Variants in PRDM16 observed in about 807,000 individuals in gnomAD.
PRDM16 encodes histone-lysine N-methyltransferase PRDM16.
In PRDM16, 23 loss-of-function variants were observed where a neutral mutation model predicts 110.6. The observed-to-expected ratio is 0.21, with a 90% CI of 0.15 to 0.29. PRDM16 has a LOEUF of 0.29. Ranked by LOEUF, PRDM16 falls within the 10% of genes least tolerant of loss-of-function variation. The probability of loss-of-function intolerance (pLI) is 1.00; values close to 1 mark genes in which losing one functional copy is unlikely to be tolerated. For synonymous variants in PRDM16, 799 were observed against 781.8 expected (o/e 1.02, Z -0.37); for missense variants, 1,615 against 1,794.3 (o/e 0.90, Z 1.81).
chr1:3,132,805 T>C (rs1264338903), intron 1 of PRDM16: 3 of 152,138 alleles, frequency 2.0e-5, no homozygotes, highest in Admixed American at 2.0e-4. Flanking sequence ...CCCCGGGGAC[T>C]GGGTGGGGCA....
chr1:3,297,718 CACA>C (rs960492512), intron 3 of PRDM16, among the ~76,000 whole-genome samples: 1 of 152,114 alleles, frequency 6.6e-6, no homozygotes, highest in African/African-American at 2.4e-5. Flanking sequence ...GACTCCTGCC[CACA>C]ACACCACAGT....
chr1:3,307,126 T>C (rs530712472), intron 3 of PRDM16: 1 of 152,376 alleles, frequency 6.6e-6, no homozygotes, highest in Admixed American at 6.5e-5. Context: ...TTATGAATCA[T>C]GCTGCTATGA....
chr1:3,427,551 C>T (rs1336686509), intron 14 of PRDM16, among the ~76,000 whole-genome samples: 3 of 152,156 alleles, frequency 2.0e-5, no homozygotes, highest in Non-Finnish European at 2.9e-5. Context: ...GGCAGGGCTG[C>T]GTCTTCCTGT....
rs896142591 is a variant in PRDM16 at position 3,396,428 on chromosome 1, T to C, written c.574-63T>C. On this transcript the variant is annotated intron_variant, in intron 4 of 16. Coordinates refer to ENST00000270722, the MANE Select transcript of PRDM16 (RefSeq NM_022114.4). Reference sequence around the variant, plus strand: ...CACAGTGTGAGGGCTGAGTGTGCACTGAGAGGCTCTCCAGACACCAACAAA... The same window carrying C: ...CACAGTGTGAGGGCTGAGTGTGCACCGAGAGGCTCTCCAGACACCAACAAA... The C allele has an allele frequency of 9.4e-5, 86 of 918,674 alleles. 1 individual carries two copies. The South Asian group carries it at 1.1e-3, about 12-fold the overall frequency. The allele number at this position is 918,674 out of a possible 1,614,324, so 56.9% of individuals were successfully genotyped here.
intron 3 of PRDM16, among the ~76,000 whole-genome samples, chr1:3,336,099 AGAT>A (rs1256608551): frequency 2.6e-5 from 4 of 152,216 alleles, no homozygotes; most frequent in African/African-American, 9.6e-5. Context: ...AGAACAGTGA[AGAT>A]GAAGGGAGAG....
intron 1 of PRDM16, among the ~76,000 whole-genome samples, chr1:3,151,316 G>A (rs998050391): frequency 3.3e-5 from 5 of 152,156 alleles, no homozygotes; most frequent in East Asian, 1.9e-4. Flanking sequence ...GGTCCTTTTC[G>A]GGGGCTCTTC....
chr1:3,370,436 C>T lies in PRDM16; in HGVS notation c.439-14716C>T, dbSNP rs189629871. On this transcript the variant is annotated intron_variant, in intron 3 of 16. Coordinates refer to ENST00000270722, the MANE Select transcript of PRDM16 (RefSeq NM_022114.4). The surrounding 1 kb of genome is among the most constrained non-coding windows in gnomAD (Gnocchi z 4.8). ...GCTGACAGTCTCAGTCATCTGGAGG[C>T]GCCTTCATTCATTCATTTGTTCCCC... Among the ~76,000 whole-genome samples the T allele has an allele frequency of 9.2e-5, 14 of 152,206 alleles. No individual in the cohort carries two copies. Among genetic ancestry groups the T allele is most frequent in the East Asian group, 3.9e-4 (2 of 5,182 alleles).
intron 3 of PRDM16, among the ~76,000 whole-genome samples, chr1:3,281,167 G>C (rs777048642): frequency 2.6e-5 from 4 of 152,244 alleles, no homozygotes; most frequent in Non-Finnish European, 5.9e-5. Context: ...AAGATGCCCA[G>C]ATGTCCTCTT....
At chr1:3,177,832 AGTTTAGATACT>A (rs60572213) in intron 1 of PRDM16, among the ~76,000 whole-genome samples, 34,926 of 152,084 alleles carry the variant, frequency 0.23, 4,082 homozygotes, top group Admixed American at 0.29. Flanking sequence ...CTGATCAGTA[AGTTTAGATACT>A]GTTTTGGATG....
rs757749746 is a variant in PRDM16 at position 3,425,761 on chromosome 1, C to T, written c.3109+11C>T. 1.7e-5 allele frequency: 27 copies of T among 1,612,728 alleles called. No homozygotes were observed. Among genetic ancestry groups the T allele is most frequent in the African/African-American group, 1.1e-4 (8 of 74,900 alleles). On this transcript the variant is annotated intron_variant, in intron 13 of 16. Transcript: ENST00000270722. The surrounding 1 kb of genome is among the most constrained non-coding windows in gnomAD (Gnocchi z 6.9). Reference sequence around the variant, plus strand: ...ACGAGAACGCACCAGGTGGGCCACGCGGGGTGGGGCAGCCCCCAGAGCACC... The same window carrying T: ...ACGAGAACGCACCAGGTGGGCCACGTGGGGTGGGGCAGCCCCCAGAGCACC...
chr1:3,145,278 A>G, intron 1 of PRDM16, among the ~76,000 whole-genome samples: 1 of 152,152 alleles, frequency 6.6e-6, no homozygotes, highest in East Asian at 1.9e-4. Context: ...AGTTCCTCAA[A>G]GCACCTGTCA....
chr1:3,283,070 G>A (rs12562988), intron 3 of PRDM16, among the ~76,000 whole-genome samples: 3,735 of 152,322 alleles, frequency 0.025, 259 homozygotes, highest in East Asian at 0.24. Flanking sequence ...AGCGCTTCCC[G>A]AGCAGGTGCG....
At chr1:3,142,797 G>T (rs1643577693) in intron 1 of PRDM16, among the ~76,000 whole-genome samples, 1 of 152,172 alleles carries the variant, frequency 6.6e-6, no homozygotes, top group African/African-American at 2.4e-5. Context: ...CATCTGGAAG[G>T]GGCAAAGGGG....
Position 3,353,389 on chromosome 1 carries a change from A to T in PRDM16, c.439-31763A>T, listed in dbSNP as rs1469068424. Reference sequence around the variant, plus strand: ...GGAGGCCCGGGGTATTTCTTGCCACATCTGAAATTGGACCCGAATGCGCAT... The same window carrying T: ...GGAGGCCCGGGGTATTTCTTGCCACTTCTGAAATTGGACCCGAATGCGCAT... On this transcript the variant is annotated intron_variant, in intron 3 of 16. Coordinates refer to ENST00000270722, the MANE Select transcript of PRDM16 (RefSeq NM_022114.4). The surrounding 1 kb of genome is among the most constrained non-coding windows in gnomAD (Gnocchi z 5.4). 6.6e-6 allele frequency among the ~76,000 whole-genome samples: 1 copy of T among 152,154 alleles called. No individual in the cohort carries two copies. Among genetic ancestry groups the T allele is most frequent in the Non-Finnish European group, 1.5e-5 (1 of 68,026 alleles).
intron 2 of PRDM16, among the ~76,000 whole-genome samples, chr1:3,225,573 T>C (rs7520225): frequency 0.44 from 56,244 of 129,262 alleles, 13,417 homozygotes; most frequent in African/African-American, 0.68. Flanking sequence ...TGTGTGTGTG[T>C]GCGCGCGCGC....
At chr1:3,211,967 A>G (rs4648457) in intron 2 of PRDM16, among the ~76,000 whole-genome samples, 22,414 of 152,162 alleles carry the variant, frequency 0.15, 2,034 homozygotes, top group African/African-American at 0.24. Context: ...AAGAGGGGAC[A>G]ATAAATAGCT....
intron 1 of PRDM16, among the ~76,000 whole-genome samples, chr1:3,160,955 C>G (rs1643892286): frequency 6.6e-6 from 1 of 152,172 alleles, no homozygotes; most frequent in African/African-American, 2.4e-5. Context: ...CTTTATTTTC[C>G]CCTACTCCCT....
Position 3,339,463 on chromosome 1 carries a change from A to T in PRDM16, c.439-45689A>T, listed in dbSNP as rs1642226946. Among the ~76,000 whole-genome samples the T allele has an allele frequency of 6.6e-6, 1 of 152,028 alleles. No homozygotes were observed. Among genetic ancestry groups the T allele is most frequent in the Non-Finnish European group, 1.5e-5 (1 of 67,992 alleles). On this transcript the variant is annotated intron_variant, in intron 3 of 16. Transcript: ENST00000270722. This position sits in a 1 kb window ranked among gnomAD's most constrained non-coding sequence, Gnocchi z 5.0. ...AGCGGAAAGGGCATGACCCCTACCCAGTGAATCCACAGGGGCTTCCTGGAG... is the reference window on the plus strand; with the variant it reads ...AGCGGAAAGGGCATGACCCCTACCCTGTGAATCCACAGGGGCTTCCTGGAG...
intron 2 of PRDM16, among the ~76,000 whole-genome samples, chr1:3,203,848 G>A (rs1326721674): frequency 1.3e-5 from 2 of 152,130 alleles, no homozygotes; most frequent in African/African-American, 2.4e-5. Context: ...ATTCGGGGGG[G>A]GCACAATTTA....
Sources: allele counts gnomAD v4.1 joint callset (sites outside exome capture counted in the v4.1 genomes callset), GRCh38; gene constraint gnomAD v4.1.1; non-coding constraint Gnocchi (gnomAD v3.1); transcripts MANE v1.5; gene names NCBI Gene and HGNC (gene_info 2026-07-23, HGNC 2026-07-21).